Variants in DYNC2H1 observed in about 807,000 individuals in gnomAD.
DYNC2H1 encodes the protein cytoplasmic dynein 2 heavy chain 1.
A neutral mutation model predicts 570.0 loss-of-function variants in DYNC2H1; 410 were observed. The ratio of observed to expected loss-of-function variants is 0.72; its 90% CI spans 0.66 to 0.78. The LOEUF (loss-of-function observed/expected upper bound fraction) is 0.78. DYNC2H1 is among the 30% of genes least tolerant of loss of function. DYNC2H1 has a pLI of 0.00. For missense variants in DYNC2H1, 4,865 were observed against 5,046.4 expected, an observed-to-expected ratio of 0.96 and a Z score of 1.09; for synonymous variants, 1,688 against 1,677.6, an observed-to-expected ratio of 1.01 and a Z score of -0.15.
chr11:103,224,272 A>G (rs1335660597), intron 59 of DYNC2H1, among the ~76,000 whole-genome samples: 1 of 151,868 alleles, frequency 6.6e-6, no homozygotes. Context: ...AAATTTCAAT[A>G]GGTTTTTGGG....
At chr11:103,222,846 C>CA in intron 58 of DYNC2H1, 119 bp from the exon 59 acceptor site, 1 of 1,242,286 alleles carries the variant, frequency 8.0e-7, no homozygotes, top group African/African-American at 1.5e-5. Flanking sequence ...AGCTATAAGC[C>CA]AAAAAACTAC....
At chr11:103,355,956 C>T (rs968178031) in intron 82 of DYNC2H1, among the ~76,000 whole-genome samples, 1 of 152,130 alleles carries the variant, frequency 6.6e-6, no homozygotes, top group Non-Finnish European at 1.5e-5. Context: ...GTGATCCCCC[C>T]ACCTCAGCCT....
At chr11:103,355,521 T>C (rs1940293194) in intron 82 of DYNC2H1, among the ~76,000 whole-genome samples, 1 of 152,140 alleles carries the variant, frequency 6.6e-6, no homozygotes, top group African/African-American at 2.4e-5. Context: ...TCAGAAATCA[T>C]TTGGGGTGCT....
At chr11:103,179,305 A>C in intron 39 of DYNC2H1, 72 bp downstream of exon 39, 1 of 1,397,154 alleles carries the variant, frequency 7.2e-7, no homozygotes, top group South Asian at 1.5e-5. Context: ...ATTAAGTAAA[A>C]TAAGTGTAGT....
intron 30 of DYNC2H1, among the ~76,000 whole-genome samples, chr11:103,164,990 A>G (rs1158558105): frequency 2.6e-5 from 4 of 152,216 alleles, no homozygotes; most frequent in South Asian, 4.1e-4. Context: ...TTGGTTCTCC[A>G]TAAATACCTC....
chr11:103,408,690 C>A (rs980311200), intron 84 of DYNC2H1, among the ~76,000 whole-genome samples: 1 of 151,994 alleles, frequency 6.6e-6, no homozygotes, highest in African/African-American at 2.4e-5. Flanking sequence ...ACATTGAGGT[C>A]GTAAACCCTA....
In DYNC2H1 at chr11:103,243,850, C is replaced by T. The variant is rs992117714; in HGVS notation, c.9918+59C>T. 5 of 1,325,102 alleles carry T rather than the reference C, an allele frequency of 3.8e-6. No homozygotes were observed. In the African/African-American group the frequency reaches 5.9e-5, roughly 16 times the overall value. The allele number at this position is 1,325,102 out of a possible 1,614,324, so 82.1% of individuals were successfully genotyped here. ...GAATGACCTCTTATAGTGAAAAGAT[C>T]TTGGAGTCTATAATCAGAAAACATA... On this transcript the variant is annotated intron_variant, in intron 64 of 88. Coordinates refer to ENST00000375735, the MANE Select transcript of DYNC2H1 (RefSeq NM_001377.3). The surrounding 1 kb of genome is among the most constrained non-coding windows in gnomAD (Gnocchi z 4.8).
At chr11:103,403,113 A>G (rs993241876) in intron 84 of DYNC2H1, 9 of 152,184 alleles carry the variant, frequency 5.9e-5, no homozygotes, top group Non-Finnish European at 1.3e-4. Flanking sequence ...GTAAAGTTGA[A>G]CTATTCATTG....
intron 28 of DYNC2H1, among the ~76,000 whole-genome samples, chr11:103,159,952 A>C (rs1293945685): frequency 6.6e-6 from 1 of 152,106 alleles, no homozygotes; most frequent in Non-Finnish European, 1.5e-5. Flanking sequence ...TGAGTAGTTG[A>C]CACTGACCAT....
intron 83 of DYNC2H1, among the ~76,000 whole-genome samples, chr11:103,377,608 C>T (rs960301956): frequency 6.6e-6 from 1 of 151,828 alleles, no homozygotes; most frequent in Admixed American, 6.6e-5. Flanking sequence ...AAAAATGAAA[C>T]TAATCTTTTA....
At chr11:103,255,637 T>C (rs1051205504) in intron 67 of DYNC2H1, 103 bp downstream of exon 67, 14 of 1,239,824 alleles carry the variant, frequency 1.1e-5, no homozygotes, top group African/African-American at 1.6e-5. Context: ...GATTTTTTTT[T>C]CCAAAGACAT....
At chr11:103,440,299 A>G (rs924090007) in intron 85 of DYNC2H1, among the ~76,000 whole-genome samples, 1 of 152,156 alleles carries the variant, frequency 6.6e-6, no homozygotes, top group Admixed American at 6.6e-5. Context: ...TTGGAAAGCA[A>G]ACTTGGAGTG....
intron 85 of DYNC2H1, among the ~76,000 whole-genome samples, chr11:103,445,819 T>C (rs1211286872): frequency 6.6e-6 from 1 of 151,986 alleles, no homozygotes; most frequent in Non-Finnish European, 1.5e-5. Flanking sequence ...GCCCGGCTAA[T>C]TTTTTTGTAT....
intron 84 of DYNC2H1, among the ~76,000 whole-genome samples, chr11:103,418,229 G>A (rs1943358167): frequency 6.6e-6 from 1 of 151,170 alleles, no homozygotes. Context: ...AAAGAAGGAA[G>A]CCTGCCTTTA....
chr11:103,255,007 G>A (rs1372550790), intron 66 of DYNC2H1, among the ~76,000 whole-genome samples: 1 of 151,830 alleles, frequency 6.6e-6, no homozygotes, highest in African/African-American at 2.4e-5. Flanking sequence ...TCCTTACCTC[G>A]TGATCCACCC....
At chr11:103,308,126 G>A (rs1435200272) in intron 78 of DYNC2H1, among the ~76,000 whole-genome samples, 2 of 152,112 alleles carry the variant, frequency 1.3e-5, no homozygotes, top group African/African-American at 4.8e-5. Flanking sequence ...CAGTAGATCT[G>A]TAGAACTTTT....
intron 79 of DYNC2H1, among the ~76,000 whole-genome samples, chr11:103,314,835 C>T (rs7118046): frequency 0.17 from 25,184 of 151,618 alleles, 2,283 homozygotes; most frequent in Admixed American, 0.25. Flanking sequence ...TTGATAGCAA[C>T]GGTTTTCTAA....
chr11:103,233,112 C>T (rs963889439), intron 60 of DYNC2H1, among the ~76,000 whole-genome samples: 2 of 151,930 alleles, frequency 1.3e-5, no homozygotes, highest in African/African-American at 4.8e-5. Flanking sequence ...CTTAGAAAGA[C>T]AATGAAATAT....
chr11:103,179,558 G>A (rs1348397792), intron 39 of DYNC2H1, among the ~76,000 whole-genome samples: 1 of 151,694 alleles, frequency 6.6e-6, no homozygotes, highest in Non-Finnish European at 1.5e-5. Flanking sequence ...GAGCTAATAT[G>A]AGCTAATATT....
Sources: gnomAD v4.1 joint callset for allele counts (sites outside exome capture counted in the v4.1 genomes callset) on GRCh38, gnomAD v4.1.1 for gene constraint, Gnocchi (gnomAD v3.1) non-coding constraint, MANE v1.5 for transcripts, NCBI Gene and HGNC (gene_info 2026-07-23, HGNC 2026-07-21) for gene names.